SPMIP2: variants seen among roughly 807,000 people sequenced by gnomAD.
SPMIP2 encodes protein SPMIP2.
At chr4:158,988,671 T>TTATC in the SPMIP2 span, among the ~76,000 whole-genome samples, 29 of 152,278 alleles carry the variant, frequency 1.9e-4, no homozygotes, top group African/African-American at 6.7e-4. Flanking sequence ...AGAAAAGGCC[T>TTATC]TCAACAAAAT....
At chr4:158,955,265 T>C in the SPMIP2 span, among the ~76,000 whole-genome samples, 3 of 152,242 alleles carry the variant, frequency 2.0e-5, no homozygotes, top group Non-Finnish European at 2.9e-5. Flanking sequence ...TTGAAAATTC[T>C]GTGAGCAACC....
chr4:159,007,324 A>G, the SPMIP2 span: 2 of 755,198 alleles, frequency 2.6e-6, no homozygotes, highest in Non-Finnish European at 4.7e-6. Flanking sequence ...ATCTCATCCC[A>G]GGCCCTCCAC....
chr4:159,062,697 G>GTCTCTCTCTTTCTCTC, the SPMIP2 span, among the ~76,000 whole-genome samples: 9 of 95,114 alleles, frequency 9.5e-5, no homozygotes, highest in African/African-American at 3.3e-4. Context: ...TTGAAACAGG[G>GTCTCTCTCTTTCTCTC]TCTCTCTCTC....
chr4:158,915,395 G>C, the SPMIP2 span: 5 of 1,544,218 alleles, frequency 3.2e-6, no homozygotes, highest in Non-Finnish European at 4.4e-6. Context: ...AAATGGAAAA[G>C]AGCTAGAAAC....
the SPMIP2 span, chr4:159,035,329 T>A: frequency 2.2e-6 from 1 of 450,768 alleles, no homozygotes; most frequent in Non-Finnish European, 3.9e-6. Context: ...TCCCAGAACT[T>A]GCATCCAGTA....
the SPMIP2 span, chr4:158,915,172 T>C: frequency 6.2e-7 from 1 of 1,610,768 alleles, no homozygotes. Flanking sequence ...CATCATACCT[T>C]TTCCTTTTTT....
the SPMIP2 span, among the ~76,000 whole-genome samples, chr4:158,975,681 A>G: frequency 3.9e-5 from 6 of 152,182 alleles, no homozygotes; most frequent in African/African-American, 9.7e-5. Context: ...TACCAGTACC[A>G]TACTATTTTG....
At chr4:158,927,285 A>G in the SPMIP2 span, among the ~76,000 whole-genome samples, 107,596 of 152,062 alleles carry the variant, frequency 0.71, 38,852 homozygotes, top group East Asian at 0.95. Flanking sequence ...AGACTAAATT[A>G]TCTGACATTA....
chr4:158,922,183 C>T, the SPMIP2 span, among the ~76,000 whole-genome samples: 19 of 152,168 alleles, frequency 1.2e-4, no homozygotes, highest in African/African-American at 3.9e-4. Flanking sequence ...CCACCGCGCC[C>T]AGCCTTACAT....
the SPMIP2 span, among the ~76,000 whole-genome samples, chr4:159,010,831 C>T: frequency 6.6e-6 from 1 of 152,042 alleles, no homozygotes; most frequent in African/African-American, 2.4e-5. Flanking sequence ...CTATCCTCTA[C>T]TTGGATTGTT....
chr4:158,943,270 G>A, the SPMIP2 span, among the ~76,000 whole-genome samples: 1 of 152,152 alleles, frequency 6.6e-6, no homozygotes, highest in Non-Finnish European at 1.5e-5. Flanking sequence ...ATGAGGTATA[G>A]CTATAATTTT....
At chr4:159,020,436 T>C in the SPMIP2 span, among the ~76,000 whole-genome samples, 1 of 152,150 alleles carries the variant, frequency 6.6e-6, no homozygotes, top group Non-Finnish European at 1.5e-5. Context: ...GAAGCTGCCT[T>C]ATGTTAGAGT....
chr4:159,024,097 T>C, the SPMIP2 span, among the ~76,000 whole-genome samples: 1 of 152,210 alleles, frequency 6.6e-6, no homozygotes, highest in Non-Finnish European at 1.5e-5. Flanking sequence ...CATTTCTTCC[T>C]CTCAAATGAC....
At chr4:159,053,929 AAAG>A in the SPMIP2 span, among the ~76,000 whole-genome samples, 1 of 142,672 alleles carries the variant, frequency 7.0e-6, no homozygotes, top group Admixed American at 7.1e-5. Context: ...AAAAAAAAAA[AAAG>A]AGAGAAAGAG....
At chr4:158,999,693 G>A in the SPMIP2 span, among the ~76,000 whole-genome samples, 1 of 152,184 alleles carries the variant, frequency 6.6e-6, no homozygotes, top group Non-Finnish European at 1.5e-5. Flanking sequence ...GAAATAAAGT[G>A]ACTCCTTATT....
the SPMIP2 span, among the ~76,000 whole-genome samples, chr4:158,968,143 T>C: frequency 0.98 from 148,795 of 152,070 alleles, 72,862 homozygotes; most frequent in East Asian, 1. Context: ...AGTTCTCCTG[T>C]CTCAGCCTCC....
the SPMIP2 span, among the ~76,000 whole-genome samples, chr4:158,943,391 A>T: frequency 2.6e-5 from 4 of 152,202 alleles, no homozygotes; most frequent in Non-Finnish European, 2.9e-5. Flanking sequence ...TGATACAAAC[A>T]CCTGGCCTCT....
the SPMIP2 span, among the ~76,000 whole-genome samples, chr4:159,019,196 T>C: frequency 2.7e-5 from 4 of 149,080 alleles, no homozygotes; most frequent in East Asian, 8.0e-4. Flanking sequence ...TTTCTGCCTG[T>C]GATATACCCA....
At chr4:159,008,614 C>T in the SPMIP2 span, among the ~76,000 whole-genome samples, 13 of 152,022 alleles carry the variant, frequency 8.6e-5, no homozygotes, top group Non-Finnish European at 1.6e-4. Flanking sequence ...ATTATGACAG[C>T]GCCCATTTTA....
Sources: gnomAD v4.1 joint callset for allele counts (sites outside exome capture counted in the v4.1 genomes callset) on GRCh38, gnomAD v4.1.1 for gene constraint, MANE v1.5 for transcripts, NCBI Gene and HGNC (gene_info 2026-07-23, HGNC 2026-07-21) for gene names.